Variants in ADAM11 observed in about 807,000 individuals in gnomAD.
ADAM11 encodes disintegrin and metalloproteinase domain-containing protein 11.
In ADAM11, 49 loss-of-function variants were observed where a neutral mutation model predicts 119.1. The ratio of observed to expected loss-of-function variants is 0.41; its 90% CI spans 0.33 to 0.52. ADAM11 has a LOEUF of 0.52. Ranked by LOEUF, ADAM11 falls within the 20% of genes least tolerant of loss-of-function variation. ADAM11 has a pLI of 0.20. For missense variants in ADAM11, 777 were observed against 1,047.5 expected (o/e 0.74, Z 3.56); for synonymous variants, 364 against 408.0 (o/e 0.89, Z 1.30).
rs369629338 is a variant in ADAM11, at chr17:44,772,956, C to T, written c.753+25C>T. ...GGTGAGTGCCAGGGCAGGGACAGGG[C>T]GTGACACTGGGAGGCCCCTGAGGAG... On this transcript the variant is annotated intron_variant, in intron 9 of 26. Coordinates refer to ENST00000200557, the MANE Select transcript of ADAM11 (RefSeq NM_002390.6). The surrounding 1 kb of genome is among the most constrained non-coding windows in gnomAD (Gnocchi z 4.5). The T allele has an allele frequency of 3.7e-6, 6 of 1,614,058 alleles. No individual in the cohort carries two copies. Among genetic ancestry groups the T allele is most frequent in the African/African-American group, 2.7e-5 (2 of 75,048 alleles).
intron 2 of ADAM11, among the ~76,000 whole-genome samples, chr17:44,768,550 CT>C (rs2049479521): frequency 6.6e-6 from 1 of 152,108 alleles, no homozygotes; most frequent in Non-Finnish European, 1.5e-5. Flanking sequence ...TGCCTGTCTC[CT>C]TTCAGATGGG....
In ADAM11 at chr17:44,765,154, C is replaced by T. The variant is rs558026410; in HGVS notation, c.238-4564C>T. 4.7e-5 allele frequency among the ~76,000 whole-genome samples: 7 copies of T among 150,452 alleles called. No individual in the cohort carries two copies. In the South Asian group the frequency reaches 8.4e-4, roughly 18 times the overall value. ...GGCTGTTCTCATTGCCTGGGAATCC[C>T]GCTGCCCTCTTGATAAATGGAGCAC... On this transcript the variant is annotated intron_variant, in intron 2 of 26. Transcript: ENST00000200557.
intron 2 of ADAM11, 149 bp from the exon 3 acceptor site, chr17:44,769,569 A>G: frequency 1.5e-6 from 1 of 653,800 alleles, no homozygotes; most frequent in Non-Finnish European, 2.8e-6. Context: ...AGGAGCTTGG[A>G]CAAAGCATCT....
chr17:44,776,071 A>G lies in ADAM11; in HGVS notation c.1486-56A>G, dbSNP rs750998017. On this transcript the variant is annotated intron_variant, in intron 17 of 26. Coordinates refer to ENST00000200557, the MANE Select transcript of ADAM11 (RefSeq NM_002390.6). This position sits in a 1 kb window ranked among gnomAD's most constrained non-coding sequence, Gnocchi z 5.2. ...GGTCCAGAGAGCGAGGGGCCTGGGG[A>G]GGGCAGGGCCGAGGCATCCATCCTG... 171 of 1,586,960 alleles carry G rather than the reference A, an allele frequency of 1.1e-4. No individual in the cohort carries two copies. The highest frequency in any genetic ancestry group is 1.4e-4 in the Non-Finnish European group (160 of 1,158,400).
rs1006834378 is a variant in ADAM11 at position 44,780,714 on chromosome 17, G to A, written c.*960G>A. The A allele has an allele frequency of 6.4e-6, 1 of 155,486 alleles. No homozygotes were observed. The highest frequency in any genetic ancestry group is 2.4e-5 in the African/African-American group (1 of 41,436). 9.6% of individuals were successfully genotyped at this position (155,486 alleles called of 1,614,324 possible). ...TTCTGGGGAGGACTCTCCCAGGTAG[G>A]GAAGGCCAGAGGTGGCCCAGTGCCT... On this transcript the variant is annotated 3_prime_UTR_variant, in exon 27 of 27. Transcript: ENST00000200557.
intron 2 of ADAM11, among the ~76,000 whole-genome samples, chr17:44,767,021 AC>A (rs1382513091): frequency 1.3e-5 from 2 of 152,116 alleles, no homozygotes; most frequent in African/African-American, 4.8e-5. Context: ...CCTGGGCAAC[AC>A]AGTGAGATCC....
At chr17:44,766,661 C>T (rs567631293) in intron 2 of ADAM11, among the ~76,000 whole-genome samples, 1 of 152,372 alleles carries the variant, frequency 6.6e-6, no homozygotes, top group African/African-American at 2.4e-5. Flanking sequence ...CCCTGAGCCT[C>T]ATCCTGGCAT....
At position 44,777,168 on chromosome 17, in the gene ADAM11, G is replaced by A. The variant is rs1312390576; in HGVS notation, c.1684G>A (p.Ala562Thr). Residue 562 changes from alanine (A) to threonine (T), a missense_variant and splice_region_variant, in exon 21 of 27, where the codon GCT (alanine) becomes ACT (threonine). Ala to Thr is a moderately conservative substitution (Grantham distance 58). Around this residue, in one of 4 missense-constraint regions of ADAM11, gnomAD observed 348 missense variants for 486.7 expected, o/e 0.72. Coordinates refer to ENST00000200557, the MANE Select transcript of ADAM11 (RefSeq NM_002390.6). The surrounding 1 kb of genome is among the most constrained non-coding windows in gnomAD (Gnocchi z 5.1). The stretch of plus-strand genomic sequence containing the variant: ...CACTTGGCATCCTCTCCCCACAGCG[G>A]CTGCTGATCGCTTCTGCTACGAGAA... Reference protein sequence around the residue: ...RQCQVLWGHAAADRFCYEKLN... With the variant: ...RQCQVLWGHATADRFCYEKLN... 5.0e-6 allele frequency: 8 copies of A among 1,599,410 alleles called. No homozygotes were observed. The South Asian group carries it at 9.0e-5, about 18-fold the overall frequency.
In ADAM11 at chr17:44,772,589, T is replaced by G; in HGVS notation, c.678+123T>G. ...TGGGGCGAAGGAAGGCTCAGATGGA[T>G]GTGGCTGGGGGCCAGGGACCGTGTC... On this transcript the variant is annotated intron_variant, in intron 8 of 26. Transcript: ENST00000200557. The surrounding 1 kb of genome is among the most constrained non-coding windows in gnomAD (Gnocchi z 4.5). The G allele has an allele frequency of 7.7e-7, 1 of 1,298,110 alleles. No homozygotes were observed. The highest frequency in any genetic ancestry group is 1.1e-6 in the Non-Finnish European group (1 of 944,412). 80.4% of individuals were successfully genotyped at this position (1,298,110 alleles called of 1,614,324 possible). A position where few individuals can be genotyped will look rare whatever the true frequency, so the allele number is the denominator to read the frequency against.
At chr17:44,768,023 G>GA (rs1435104769) in intron 2 of ADAM11, among the ~76,000 whole-genome samples, 1 of 152,216 alleles carries the variant, frequency 6.6e-6, no homozygotes, top group Non-Finnish European at 1.5e-5. Flanking sequence ...TTTTCAGTGG[G>GA]AAAATCTGAG....
At chr17:44,769,849 G>T (rs932352902) in intron 3 of ADAM11, 55 bp downstream of exon 3, 2 of 1,605,260 alleles carry the variant, frequency 1.2e-6, no homozygotes, top group Admixed American at 3.3e-5. Context: ...GGGGAGACAT[G>T]GCTAGGGCCT....
At chr17:44,770,820 A>C (rs8072450) in intron 4 of ADAM11, among the ~76,000 whole-genome samples, 4,099 of 152,332 alleles carry the variant, frequency 0.027, 181 homozygotes, top group African/African-American at 0.091. Flanking sequence ...CCCCAGCCCC[A>C]GCAAATGGCT....
chr17:44,773,402 CCCAGTGATG>C lies in ADAM11; in HGVS notation c.971_979del (p.Ser324_Ala326del). 6.2e-7 allele frequency: 1 copy of C among 1,613,640 alleles called. No individual in the cohort carries two copies. Among genetic ancestry groups the C allele is most frequent in the Non-Finnish European group, 8.5e-7 (1 of 1,179,850 alleles). The stretch of plus-strand genomic sequence containing the variant: ...CTACCGACGGGAGGGTCTGCCTGAG[CCCAGTGATG>C]CCACCCACCTCTTCTCGTGAGTCCC... On this transcript the variant is annotated inframe_deletion, in exon 11 of 27. Coordinates refer to ENST00000200557, the MANE Select transcript of ADAM11 (RefSeq NM_002390.6). This position sits in a 1 kb window ranked among gnomAD's most constrained non-coding sequence, Gnocchi z 4.6.
rs912152381 is a variant in ADAM11 at position 44,772,974 on chromosome 17, C to A, written c.754-40C>A. The A allele has an allele frequency of 6.2e-7, 1 of 1,613,994 alleles. No homozygotes were observed. The highest frequency in any genetic ancestry group is 8.5e-7 in the Non-Finnish European group (1 of 1,179,888). On this transcript the variant is annotated intron_variant, in intron 9 of 26. Transcript: ENST00000200557. This position sits in a 1 kb window ranked among gnomAD's most constrained non-coding sequence, Gnocchi z 4.5. ...GACAGGGCGTGACACTGGGAGGCCC[C>A]TGAGGAGCCTGGCCCTCCTCCCATT... is the stretch of plus-strand genomic sequence containing the variant.
intron 2 of ADAM11, among the ~76,000 whole-genome samples, chr17:44,764,995 C>T (rs1375050266): frequency 6.6e-6 from 1 of 152,036 alleles, no homozygotes; most frequent in East Asian, 1.9e-4. Context: ...CTTGGCCTCA[C>T]CCAAGCAACC....
chr17:44,759,651 T>A, intron 1 of ADAM11, 71 bp from the exon 2 acceptor site: 1 of 1,307,556 alleles, frequency 7.6e-7, no homozygotes, highest in Non-Finnish European at 9.8e-7. Context: ...GGATGAGGCA[T>A]GCCCACCCCA....
chr17:44,778,223 G>A lies in ADAM11; in HGVS notation c.2257G>A (p.Gly753Ser), dbSNP rs1477529083. 1.9e-6 allele frequency: 3 copies of A among 1,613,082 alleles called. No homozygotes were observed. The highest frequency in any genetic ancestry group is 1.3e-5 in the African/African-American group (1 of 74,896). The change falls in exon 25 of 27, where the codon GGC becomes AGC. Residue 753 changes from glycine to serine, a missense_variant. By Grantham distance (56) the Gly-to-Ser change is moderately conservative (BLOSUM62 0). Coordinates refer to ENST00000200557, the MANE Select transcript of ADAM11 (RefSeq NM_002390.6). ...AVLVAAIVLG[G>S]TGWGFKNIRR... ...CCTGGTTGCAGCCATCGTCCTGGGC[G>A]GCACGGGCTGGGGATTTAAGTAAGA...
In ADAM11 at chr17:44,774,583, G is replaced by A; in HGVS notation, c.1168+1G>A. On this transcript the variant is annotated splice_donor_variant, in intron 13 of 26. Coordinates refer to ENST00000200557, the MANE Select transcript of ADAM11 (RefSeq NM_002390.6). LOFTEE classifies it high-confidence loss of function. Reference sequence around the variant, plus strand: ...TGGAACAAACACCGGAGCTCGGCAGGTATCCTCCCCCAGAGGCCCCCGTGT... The same window carrying A: ...TGGAACAAACACCGGAGCTCGGCAGATATCCTCCCCCAGAGGCCCCCGTGT... 7 of 1,612,456 alleles carry A rather than the reference G, an allele frequency of 4.3e-6. No homozygotes were observed. Among genetic ancestry groups the A allele is most frequent in the Non-Finnish European group, 5.9e-6 (7 of 1,179,286 alleles).
rs2049606508 is a variant in ADAM11, at chr17:44,776,723, A to G, written c.1567-22A>G. On this transcript the variant is annotated intron_variant, in intron 18 of 26. Coordinates refer to ENST00000200557, the MANE Select transcript of ADAM11 (RefSeq NM_002390.6). The surrounding 1 kb of genome is among the most constrained non-coding windows in gnomAD (Gnocchi z 5.2). ...CTCCAGTCCTGGGACTGCTCCGCTCAACCCCACCCCTCTCTCCACAGTGCC... is the reference window on the plus strand; with the variant it reads ...CTCCAGTCCTGGGACTGCTCCGCTCGACCCCACCCCTCTCTCCACAGTGCC... 1.2e-6 allele frequency: 2 copies of G among 1,613,632 alleles called. No individual in the cohort carries two copies. Among genetic ancestry groups the G allele is most frequent in the Non-Finnish European group, 1.7e-6 (2 of 1,179,820 alleles).
Sources: allele counts gnomAD v4.1 joint callset (sites outside exome capture counted in the v4.1 genomes callset), GRCh38; gene constraint gnomAD v4.1.1; regional missense constraint gnomAD v4.1.1; non-coding constraint Gnocchi (gnomAD v3.1); transcripts MANE v1.5; gene names NCBI Gene and HGNC (gene_info 2026-07-23, HGNC 2026-07-21).